ZMYM1: variants seen among roughly 807,000 people sequenced by gnomAD.
ZMYM1 encodes zinc finger MYM-type containing 1.
ZMYM1 carries 39 observed loss-of-function variants against 60.0 expected under a neutral mutation model. That is an observed-to-expected ratio of 0.65 (90% confidence interval 0.50 to 0.85). ZMYM1 has a LOEUF of 0.85. Among genes scored for constraint, ZMYM1 ranks in the 40% least tolerant of loss-of-function variants. The probability of loss-of-function intolerance (pLI) is 0.00; values close to 1 mark genes in which losing one functional copy is unlikely to be tolerated. For missense variants in ZMYM1, 1,171 were observed against 1,309.5 expected, an observed-to-expected ratio of 0.89 and a Z score of 1.63; for synonymous variants, 413 against 454.0, an observed-to-expected ratio of 0.91 and a Z score of 1.15.
At chr1:35,094,344 G>T (rs1643193619) in intron 2 of ZMYM1, among the ~76,000 whole-genome samples, 1 of 152,128 alleles carries the variant, frequency 6.6e-6, no homozygotes, top group Non-Finnish European at 1.5e-5. Flanking sequence ...CCTAGCTAAG[G>T]TTAACACTTT....
At chr1:35,094,226 G>A (rs1409600060) in intron 2 of ZMYM1, 143 bp downstream of exon 2, 2 of 589,316 alleles carry the variant, frequency 3.4e-6, no homozygotes, top group African/African-American at 3.8e-5. Flanking sequence ...AAGGTATATG[G>A]TGTTAAGTGC....
chr1:35,105,749 G>A (rs528838094), intron 6 of ZMYM1, among the ~76,000 whole-genome samples: 2 of 152,002 alleles, frequency 1.3e-5, no homozygotes, highest in South Asian at 2.1e-4. Flanking sequence ...GGAACTACAG[G>A]CACACACCAC....
chr1:35,105,397 A>G (rs1643866011), intron 6 of ZMYM1, among the ~76,000 whole-genome samples: 1 of 151,726 alleles, frequency 6.6e-6, no homozygotes, highest in African/African-American at 2.4e-5. Context: ...TTGGCCTCCC[A>G]AAGTGCTGGG....
Position 35,085,046 on chromosome 1 carries a change from T to C in ZMYM1, c.-75+5604T>C, listed in dbSNP as rs148377240. 7.2e-4 allele frequency among the ~76,000 whole-genome samples: 110 copies of C among 151,952 alleles called. 1 individual carries two copies. In the Middle Eastern group the frequency reaches 0.027, roughly 38 times the overall value. Reference sequence around the variant, plus strand: ...TGGATTTATCCGTTTTTTGTTTTGTTTTGGTTTGGTTTTTTTTTGGAGACA... The same window carrying C: ...TGGATTTATCCGTTTTTTGTTTTGTCTTGGTTTGGTTTTTTTTTGGAGACA... On this transcript the variant is annotated intron_variant, in intron 1 of 9. Coordinates refer to ENST00000359858, the MANE Select transcript of ZMYM1 (RefSeq NM_024772.5).
rs1298302189 is a variant in ZMYM1, at chr1:35,113,255, A to G, written c.1425A>G (p.Ala475=). ...ECLENSKKDV[A]FCYSCQLFCQ... ...TGGAAAACAGTAAAAAAGATGTGGC[A>G]TTCTGTTATTCATGCCAGTTGTTCT... Residue 475 remains alanine, a synonymous_variant, in exon 10 of 10, where the codon GCA becomes GCG. Coordinates refer to ENST00000359858, the MANE Select transcript of ZMYM1 (RefSeq NM_024772.5). 2 of 1,612,960 alleles carry G rather than the reference A, an allele frequency of 1.2e-6. No homozygotes were observed. Among genetic ancestry groups the G allele is most frequent in the Non-Finnish European group, 1.7e-6 (2 of 1,179,120 alleles).
chr1:35,071,124 T>G (rs1642059946), intron 1 of ZMYM1, among the ~76,000 whole-genome samples: 2 of 152,134 alleles, frequency 1.3e-5, no homozygotes, highest in African/African-American at 2.4e-5. Flanking sequence ...TGACCTCAGA[T>G]GATCCGCCTA....
upstream of ZMYM1, among the ~76,000 whole-genome samples, chr1:35,077,219 A>G (rs564917203): frequency 6.6e-6 from 1 of 152,016 alleles, no homozygotes; most frequent in South Asian, 2.1e-4. Context: ...TTTCAACTCA[A>G]CTCCCAAGGA....
rs1471645964 is a variant in ZMYM1, at chr1:35,114,842, A to T, written c.3012A>T (p.Pro1004=). 6.2e-7 allele frequency: 1 copy of T among 1,606,618 alleles called. No homozygotes were observed. The highest frequency in any genetic ancestry group is 8.5e-7 in the Non-Finnish European group (1 of 1,176,336). The change falls in exon 10 of 10, where the codon CCA becomes CCT. Residue 1004 remains proline, a synonymous_variant. Transcript: ENST00000359858. ...AACTGTTATTTAAATGGAATGAACC[A>T]TTAAATGAAACAACAGCAAAACATG... ...ISELLFKWNE[P]LNETTAKHVQ...
Position 35,088,889 on chromosome 1 carries a change from G to A in ZMYM1, c.-74-5025G>A, listed in dbSNP as rs371030145. Among the ~76,000 whole-genome samples the A allele has an allele frequency of 7.3e-4, 103 of 140,890 alleles. 1 individual carries two copies. In the South Asian group the frequency reaches 0.018, roughly 25 times the overall value. The allele number at this position is 140,890 out of a possible 152,430, so 92.4% of individuals were successfully genotyped here. A position where few individuals can be genotyped will look rare whatever the true frequency, so the allele number is the denominator to read the frequency against. Reference sequence around the variant, plus strand: ...TGCAATGGCATGATCTCGGCTCACTGCAACCTCTGCCTCCCAGATTCAAGC... The same window carrying A: ...TGCAATGGCATGATCTCGGCTCACTACAACCTCTGCCTCCCAGATTCAAGC... On this transcript the variant is annotated intron_variant, in intron 1 of 9. Coordinates refer to ENST00000359858, the MANE Select transcript of ZMYM1 (RefSeq NM_024772.5).
intron 1 of ZMYM1, among the ~76,000 whole-genome samples, chr1:35,072,942 C>T (rs1642093320): frequency 6.6e-6 from 1 of 152,014 alleles, no homozygotes. Context: ...ATTAGCCAGG[C>T]ATTGTGGTGG....
At chr1:35,106,930 C>A (rs566586091) in intron 6 of ZMYM1, among the ~76,000 whole-genome samples, 4 of 151,776 alleles carry the variant, frequency 2.6e-5, no homozygotes, top group African/African-American at 9.6e-5. Flanking sequence ...CAGCTCACTG[C>A]AAGCTCCGCC....
At chr1:35,080,150 G>A (rs1475048218) in intron 1 of ZMYM1, among the ~76,000 whole-genome samples, 3 of 152,018 alleles carry the variant, frequency 2.0e-5, no homozygotes, top group East Asian at 1.9e-4. Flanking sequence ...TTTGAACGCT[G>A]CTGATTTACA....
At chr1:35,065,097 A>G (rs76538651) in intron 1 of ZMYM1, among the ~76,000 whole-genome samples, 5,063 of 152,238 alleles carry the variant, frequency 0.033, 263 homozygotes, top group African/African-American at 0.11. Flanking sequence ...GGATACAACT[A>G]AAGCAGTACA....
At chr1:35,112,905 G>C (rs1264442222) in intron 9 of ZMYM1, 72 bp from the exon 10 acceptor site, 2 of 1,326,980 alleles carry the variant, frequency 1.5e-6, no homozygotes, top group Non-Finnish European at 2.0e-6. Flanking sequence ...TATGTTATTA[G>C]AGTAGATATA....
At chr1:35,072,026 TG>T (rs1484435199) in intron 1 of ZMYM1, among the ~76,000 whole-genome samples, 1 of 151,992 alleles carries the variant, frequency 6.6e-6, no homozygotes, top group Non-Finnish European at 1.5e-5. Flanking sequence ...CCCAGCTACT[TG>T]GGAGGCTGAG....
At chr1:35,116,228 C>T (rs898955759), downstream of ZMYM1, among the ~76,000 whole-genome samples, 2 of 152,076 alleles carry the variant, frequency 1.3e-5, no homozygotes, top group African/African-American at 4.8e-5. Flanking sequence ...CAGAGTGAGA[C>T]CTTATCTCTT....
chr1:35,104,626 C>A lies in ZMYM1; in HGVS notation c.664C>A (p.His222Asn). The change falls in exon 6 of 10, where the codon CAC (histidine) becomes AAC (asparagine). Residue 222 changes from histidine to asparagine, a missense_variant. Coordinates refer to ENST00000359858, the MANE Select transcript of ZMYM1 (RefSeq NM_024772.5). Reference protein sequence around the residue: ...LCSNACLSKFHSANNFIMNCC... With the variant: ...LCSNACLSKFNSANNFIMNCC... ...CAGTAATGCCTGCCTTTCAAAGTTT[C>A]ACTCTGCTAACAACTTCATCATGAA... 1.9e-6 allele frequency: 3 copies of A among 1,614,180 alleles called. No individual in the cohort carries two copies. Among genetic ancestry groups the A allele is most frequent in the African/African-American group, 1.3e-5 (1 of 75,060 alleles).
intron 1 of ZMYM1, among the ~76,000 whole-genome samples, chr1:35,072,479 AT>A (rs150590544): frequency 0.05 from 7,269 of 144,052 alleles, 509 homozygotes; most frequent in African/African-American, 0.17. Context: ...AAGTTTGTTA[AT>A]TTTTTTTTCA....
At chr1:35,086,417 G>A (rs1005402929) in intron 1 of ZMYM1, among the ~76,000 whole-genome samples, 1 of 152,002 alleles carries the variant, frequency 6.6e-6, no homozygotes. Context: ...TGATCCTCCT[G>A]CCTCAGCCTC....
Sources: gnomAD v4.1 joint callset for allele counts (sites outside exome capture counted in the v4.1 genomes callset) on GRCh38, gnomAD v4.1.1 for gene constraint, MANE v1.5 for transcripts, NCBI Gene and HGNC (gene_info 2026-07-23, HGNC 2026-07-21) for gene names.